The following DHRS7B variants were observed in gnomAD, a reference collection of about 807,000 sequenced individuals.
DHRS7B encodes the protein dehydrogenase/reductase 7B.
Under a neutral mutation model 26.4 loss-of-function variants are expected in DHRS7B, and 24 were observed. That is an observed-to-expected ratio of 0.91 (90% CI 0.66 to 1.28). The LOEUF is 1.28. Among genes scored for constraint, DHRS7B ranks in the 50% most tolerant of loss-of-function variants. The pLI is 0.00. For missense variants in DHRS7B, 368 were observed against 419.4 expected (o/e 0.88, Z 1.07); for synonymous variants, 142 against 166.4 (o/e 0.85, Z 1.13).
intron 1 of DHRS7B, among the ~76,000 whole-genome samples, chr17:21,138,089 T>TACACACACACAC (rs1567616081): frequency 1.0e-4 from 6 of 57,536 alleles, no homozygotes; most frequent in African/African-American, 4.6e-4. Context: ...TATATATATA[T>TACACACACACAC]ATATATATAT....
chr17:21,189,055 C>T (rs1305913554), intron 6 of DHRS7B, among the ~76,000 whole-genome samples, 192 bp downstream of exon 6: 2 of 152,178 alleles, frequency 1.3e-5, no homozygotes, highest in Admixed American at 1.3e-4. Flanking sequence ...CCATGGCCTA[C>T]CCTTAGTGTG....
At chr17:21,130,281 T>A (rs1973199678) in intron 1 of DHRS7B, among the ~76,000 whole-genome samples, 1 of 152,140 alleles carries the variant, frequency 6.6e-6, no homozygotes, top group African/African-American at 2.4e-5. Flanking sequence ...TCCCAGCTAC[T>A]CAGGAGGCTG....
intron 1 of DHRS7B, among the ~76,000 whole-genome samples, chr17:21,169,437 A>G (rs1974186907): frequency 6.6e-6 from 1 of 152,094 alleles, no homozygotes; most frequent in South Asian, 2.1e-4. Flanking sequence ...CCAACCTCAT[A>G]ACAAACCCAG....
At chr17:21,166,499 G>C (rs1038892050) in intron 1 of DHRS7B, 53 of 982,046 alleles carry the variant, frequency 5.4e-5, no homozygotes, top group Non-Finnish European at 6.4e-5. Flanking sequence ...TTTTTTTCCA[G>C]TCGAAGGCGG....
At chr17:21,134,953 C>T (rs1416270117) in intron 1 of DHRS7B, among the ~76,000 whole-genome samples, 1 of 152,074 alleles carries the variant, frequency 6.6e-6, no homozygotes, top group East Asian at 1.9e-4. Flanking sequence ...GAAGTTTTTC[C>T]TCTATTCTGA....
chr17:21,159,365 A>G (rs1973950151), intron 1 of DHRS7B, among the ~76,000 whole-genome samples: 1 of 151,108 alleles, frequency 6.6e-6, no homozygotes, highest in Non-Finnish European at 1.5e-5. Flanking sequence ...CTCCTGCCTC[A>G]GCCTCCTGAG....
chr17:21,190,927 C>G, intron 6 of DHRS7B, 21 bp from the exon 7 acceptor site: 1 of 1,612,538 alleles, frequency 6.2e-7, no homozygotes, highest in African/African-American at 1.3e-5. Context: ...TCATGTGTTT[C>G]TTTTGTTTTA....
intron 1 of DHRS7B, among the ~76,000 whole-genome samples, chr17:21,171,330 C>T (rs1974241160): frequency 6.6e-6 from 1 of 152,252 alleles, no homozygotes. Context: ...ATACAGCCTC[C>T]AGATTTCATG....
chr17:21,130,588 A>G (rs1440956674), intron 1 of DHRS7B, among the ~76,000 whole-genome samples: 2 of 152,176 alleles, frequency 1.3e-5, no homozygotes, highest in South Asian at 2.1e-4. Context: ...AATAATTTAT[A>G]AATACTGGGT....
intron 1 of DHRS7B, 44 bp downstream of exon 1, chr17:21,127,035 G>T: frequency 6.7e-7 from 1 of 1,497,058 alleles, no homozygotes; most frequent in Non-Finnish European, 8.9e-7. Flanking sequence ...AGGCGATAGG[G>T]TCTGGCCTTG....
intron 1 of DHRS7B, among the ~76,000 whole-genome samples, chr17:21,146,543 C>T (rs1973648111): frequency 6.6e-6 from 1 of 152,188 alleles, no homozygotes; most frequent in Non-Finnish European, 1.5e-5. Context: ...AAGGCACTCA[C>T]TTAGTATGAT....
chr17:21,141,502 A>G (rs1973508413), intron 1 of DHRS7B, among the ~76,000 whole-genome samples: 1 of 151,718 alleles, frequency 6.6e-6, no homozygotes, highest in Admixed American at 6.6e-5. Context: ...TCCAATGGTA[A>G]GGAGGAATTA....
chr17:21,128,390 C>T (rs993439264), intron 1 of DHRS7B: 1 of 151,740 alleles, frequency 6.6e-6, no homozygotes, highest in Non-Finnish European at 1.5e-5. Context: ...GGTGAAACCC[C>T]GTCTCTACTA....
chr17:21,151,253 T>C (rs1973763784), intron 1 of DHRS7B, among the ~76,000 whole-genome samples: 1 of 152,108 alleles, frequency 6.6e-6, no homozygotes, highest in South Asian at 2.1e-4. Context: ...ACGCCTGTAA[T>C]CCCAGCACTT....
chr17:21,180,078 T>C (rs961005314), intron 3 of DHRS7B, among the ~76,000 whole-genome samples: 5 of 149,428 alleles, frequency 3.3e-5, no homozygotes, highest in African/African-American at 9.8e-5. Context: ...ACTTTCTTTT[T>C]TTTTTTTTTT....
chr17:21,183,837 A>G (rs1974570021), intron 4 of DHRS7B, 27 bp downstream of exon 4: 1 of 1,583,356 alleles, frequency 6.3e-7, no homozygotes, highest in African/African-American at 1.3e-5. Flanking sequence ...AAGAGCAGTG[A>G]TAAGTGATAT....
intron 1 of DHRS7B, among the ~76,000 whole-genome samples, chr17:21,151,477 C>T (rs902802599): frequency 3.3e-5 from 5 of 149,820 alleles, no homozygotes; most frequent in African/African-American, 7.4e-5. Flanking sequence ...CACACCACTG[C>T]ACTCCAGCCT....
At position 21,166,267 on chromosome 17, in the gene DHRS7B, T is replaced by G. The variant is rs577270659; in HGVS notation, c.21-5751T>G. The G allele has an allele frequency of 9.1e-6, 9 of 985,422 alleles. No individual in the cohort carries two copies. The East Asian group carries it at 1.0e-3, about 112-fold the overall frequency. 61.0% of individuals were successfully genotyped at this position (985,422 alleles called of 1,614,324 possible). A position where few individuals can be genotyped will look rare whatever the true frequency, so the allele number is the denominator to read the frequency against. ...CTCCAGCCTTCCTTCAGGTTTTATTTTTACTAAAGCCAGCCTGTACTCTTT... is the reference window on the plus strand; with the variant it reads ...CTCCAGCCTTCCTTCAGGTTTTATTGTTACTAAAGCCAGCCTGTACTCTTT... On this transcript the variant is annotated intron_variant, in intron 1 of 6. Transcript: ENST00000395511.
At chr17:21,186,680 G>A (rs111397666) in intron 5 of DHRS7B, among the ~76,000 whole-genome samples, 9 of 152,310 alleles carry the variant, frequency 5.9e-5, no homozygotes, top group South Asian at 2.1e-4. Context: ...TTCTGAATTG[G>A]AGGAAACTGA....
Sources: allele counts gnomAD v4.1 joint callset (sites outside exome capture counted in the v4.1 genomes callset), GRCh38; gene constraint gnomAD v4.1.1; transcripts MANE v1.5; gene names NCBI Gene and HGNC (gene_info 2026-07-23, HGNC 2026-07-21).